Variants in TBC1D5 observed in about 807,000 individuals in gnomAD.
TBC1D5 encodes TBC1 domain family member 5, also known as TBC1 domain family, member 5.
Under a neutral mutation model 100.3 loss-of-function variants are expected in TBC1D5, and 75 were observed. The ratio of observed to expected loss-of-function variants is 0.75; its 90% CI spans 0.62 to 0.91. The LOEUF is 0.91. TBC1D5 is among the 40% of genes least tolerant of loss of function. The probability of loss-of-function intolerance (pLI) is 0.00; values close to 1 mark genes in which losing one functional copy is unlikely to be tolerated. For synonymous variants in TBC1D5, 323 were observed against 325.6 expected, an observed-to-expected ratio of 0.99 and a Z score of 0.09; for missense variants, 910 against 942.4, an observed-to-expected ratio of 0.97 and a Z score of 0.45.
chr3:17,527,225 T>C (rs547639097), intron 2 of TBC1D5, among the ~76,000 whole-genome samples: 64 of 152,290 alleles, frequency 4.2e-4, no homozygotes, highest in African/African-American at 1.5e-3. Flanking sequence ...TGGGAGCTTA[T>C]CTGAGAAAGT....
chr3:17,423,602 A>AT (rs1479525560), intron 4 of TBC1D5, among the ~76,000 whole-genome samples: 4 of 152,122 alleles, frequency 2.6e-5, no homozygotes, highest in Admixed American at 1.3e-4. Context: ...ACAAATGATT[A>AT]TTTTTAAAGT....
intron 17 of TBC1D5, among the ~76,000 whole-genome samples, chr3:17,215,224 CAG>C (rs1234204449): frequency 1.3e-5 from 2 of 151,910 alleles, no homozygotes; most frequent in Non-Finnish European, 2.9e-5. Context: ...GGGGGTGAGT[CAG>C]GGGGAACAAA....
intron 13 of TBC1D5, among the ~76,000 whole-genome samples, chr3:17,365,908 A>G (rs1333318620): frequency 2.0e-5 from 3 of 152,200 alleles, no homozygotes; most frequent in African/African-American, 4.8e-5. Context: ...TATTTAATCT[A>G]AATAAGGCTT....
intron 4 of TBC1D5, among the ~76,000 whole-genome samples, chr3:17,415,475 C>A (rs1157455646): frequency 1.3e-5 from 2 of 151,866 alleles, no homozygotes; most frequent in Middle Eastern, 6.8e-3. Flanking sequence ...AACAAACAAA[C>A]AAAAAAACAC....
intron 2 of TBC1D5, among the ~76,000 whole-genome samples, chr3:17,528,798 A>G (rs1234172472): frequency 6.6e-6 from 1 of 152,232 alleles, no homozygotes; most frequent in African/African-American, 2.4e-5. Flanking sequence ...TGATAACAAA[A>G]CAAGTAGAAA....
intron 3 of TBC1D5, among the ~76,000 whole-genome samples, chr3:17,471,105 C>T (rs2150125023): frequency 6.6e-6 from 1 of 152,178 alleles, no homozygotes; most frequent in Admixed American, 6.5e-5. Context: ...GAACATGAAG[C>T]CTAAAACCAC....
chr3:17,196,271 C>A (rs1342127598), intron 18 of TBC1D5, among the ~76,000 whole-genome samples: 2 of 152,148 alleles, frequency 1.3e-5, no homozygotes, highest in African/African-American at 2.4e-5. Context: ...TTAACTAGGG[C>A]CCCAGCTACT....
chr3:17,346,320 C>A (rs186451060), intron 13 of TBC1D5, among the ~76,000 whole-genome samples: 1 of 152,144 alleles, frequency 6.6e-6, no homozygotes, highest in African/African-American at 2.4e-5. Flanking sequence ...ATATGACATA[C>A]CCTTGCTTTA....
rs980378947 is a variant in TBC1D5, at chr3:17,571,285, G to A, written c.-36+52564C>T. Among the ~76,000 whole-genome samples, 3 of 151,926 alleles carry A rather than the reference G, an allele frequency of 2.0e-5. No homozygotes were observed. The South Asian group carries it at 6.2e-4, about 31-fold the overall frequency. ...TTTGTACTTTGTCATGGTATTTATG[G>A]CTGTGATTCTATGATGCATACCTAT... On this transcript the variant is annotated intron_variant, in intron 2 of 21. Transcript: ENST00000253692.
intron 13 of TBC1D5, among the ~76,000 whole-genome samples, chr3:17,331,762 G>C (rs1360478960): frequency 6.6e-6 from 1 of 152,160 alleles, no homozygotes; most frequent in African/African-American, 2.4e-5. Context: ...CAAAGTGAGG[G>C]AACAAGCCAT....
At chr3:17,727,211 T>C (rs2076199453) in intron 1 of TBC1D5, among the ~76,000 whole-genome samples, 1 of 152,094 alleles carries the variant, frequency 6.6e-6, no homozygotes, top group South Asian at 2.1e-4. Flanking sequence ...TGAAACTCCA[T>C]CTCTACTAAA....
intron 3 of TBC1D5, among the ~76,000 whole-genome samples, chr3:17,485,676 A>C (rs2095556305): frequency 6.6e-6 from 1 of 152,006 alleles, no homozygotes; most frequent in African/African-American, 2.4e-5. Flanking sequence ...TGAACTCATC[A>C]TTTTTTATGG....
intron 14 of TBC1D5, among the ~76,000 whole-genome samples, chr3:17,297,563 G>A (rs2082381325): frequency 6.9e-6 from 1 of 144,778 alleles, no homozygotes; most frequent in Non-Finnish European, 1.5e-5. Context: ...GTGACAGAGC[G>A]AGACTCCTAA....
chr3:17,372,039 A>AAAAAACAAACAAAC, intron 13 of TBC1D5, 36 bp downstream of exon 13: 1 of 1,504,818 alleles, frequency 6.6e-7, no homozygotes. Flanking sequence ...TCTGTCTCAA[A>AAAAAACAAACAAAC]AAACAAACAA....
At chr3:17,364,079 C>T (rs1342411329) in intron 13 of TBC1D5, among the ~76,000 whole-genome samples, 1 of 151,656 alleles carries the variant, frequency 6.6e-6, no homozygotes, top group African/African-American at 2.4e-5. Context: ...TCCAGCTTAC[C>T]ATCTAGAATG....
Position 17,240,296 on chromosome 3 carries a change from C to T in TBC1D5, c.1332-1877G>A, listed in dbSNP as rs1045191318. ...AAATTCAGCTTTATAAAAGAAAGAT[C>T]GATTCATTATAACTCAATGAAGTGT... On this transcript the variant is annotated intron_variant, in intron 16 of 21. Coordinates refer to ENST00000253692, the Ensembl canonical transcript of TBC1D5. Among the ~76,000 whole-genome samples the T allele has an allele frequency of 5.3e-5, 8 of 152,088 alleles. No homozygotes were observed. The East Asian group carries it at 5.8e-4, about 11-fold the overall frequency.
chr3:17,391,286 A>C (rs1244979553), intron 8 of TBC1D5, among the ~76,000 whole-genome samples: 4 of 152,194 alleles, frequency 2.6e-5, no homozygotes, highest in African/African-American at 9.6e-5. Context: ...GAGGACCGTA[A>C]AGCAGCACAT....
chr3:17,531,235 T>C lies in TBC1D5; in HGVS notation c.-35-22630A>G, dbSNP rs933434562. On this transcript the variant is annotated intron_variant, in intron 2 of 21. Coordinates refer to ENST00000253692, the Ensembl canonical transcript of TBC1D5. The stretch of plus-strand genomic sequence containing the variant: ...GTCATGAGTGAACTCCCATTCACAA[T>C]TGCTTCAAAGAGAATAAAATACCTA... Among the ~76,000 whole-genome samples, 6 of 152,296 alleles carry C rather than the reference T, an allele frequency of 3.9e-5. 1 individual carries two copies. The highest frequency in any genetic ancestry group is 2.1e-4 in the South Asian group (1 of 4,824).
chr3:17,264,755 A>G (rs2078676721), intron 15 of TBC1D5, among the ~76,000 whole-genome samples: 1 of 152,228 alleles, frequency 6.6e-6, no homozygotes, highest in African/African-American at 2.4e-5. Context: ...AACTGCAGTA[A>G]GGATTAATTG....
Sources: allele counts gnomAD v4.1 joint callset (sites outside exome capture counted in the v4.1 genomes callset), GRCh38; gene constraint gnomAD v4.1.1; transcripts MANE v1.5; gene names NCBI Gene and HGNC (gene_info 2026-07-23, HGNC 2026-07-21).